Variants in ST3GAL3 observed in about 807,000 individuals in gnomAD.
The protein encoded by ST3GAL3 is CMP-N-acetylneuraminate-beta-1,4-galactoside alpha-2,3-sialyltransferase.
In ST3GAL3, 21 loss-of-function variants were observed where a neutral mutation model predicts 50.1. The ratio of observed to expected loss-of-function variants is 0.42; its 90% CI spans 0.30 to 0.60. ST3GAL3 has a LOEUF of 0.60. Ranked by LOEUF, ST3GAL3 falls within the 20% of genes least tolerant of loss-of-function variation. ST3GAL3 has a pLI of 0.19. For missense variants in ST3GAL3, 353 were observed against 489.4 expected, an observed-to-expected ratio of 0.72 and a Z score of 2.63; for synonymous variants, 183 against 190.0, an observed-to-expected ratio of 0.96 and a Z score of 0.30.
intron 5 of ST3GAL3, among the ~76,000 whole-genome samples, chr1:43,848,670 TTTC>T (rs1294355100): frequency 6.6e-6 from 1 of 152,128 alleles, no homozygotes; most frequent in Non-Finnish European, 1.5e-5. Context: ...GGTTCATAGT[TTTC>T]TTGTTTGTTT....
At chr1:43,768,079 T>G (rs1693777022) in intron 2 of ST3GAL3, among the ~76,000 whole-genome samples, 1 of 152,104 alleles carries the variant, frequency 6.6e-6, no homozygotes, top group Non-Finnish European at 1.5e-5. Flanking sequence ...AGTCAAAAAT[T>G]TGTTCTTTCA....
intron 11 of ST3GAL3, among the ~76,000 whole-genome samples, chr1:43,924,187 A>C (rs1262217116): frequency 6.6e-6 from 1 of 152,182 alleles, no homozygotes; most frequent in Non-Finnish European, 1.5e-5. Flanking sequence ...TGTCTCGGAT[A>C]GGGTTCAGGA....
chr1:43,813,913 A>AGG (rs2154176235), intron 3 of ST3GAL3, among the ~76,000 whole-genome samples: 2 of 132,786 alleles, frequency 1.5e-5, no homozygotes, highest in African/African-American at 5.3e-5. Flanking sequence ...GCACACACAC[A>AGG]CACACACACA....
At chr1:43,851,366 G>T in intron 5 of ST3GAL3, 1 of 1,585,660 alleles carries the variant, frequency 6.3e-7, no homozygotes, top group Non-Finnish European at 8.7e-7. Flanking sequence ...TACACTCAAA[G>T]TTTGCAGGGG....
At chr1:43,878,909 G>A in intron 5 of ST3GAL3, 1 of 409,222 alleles carries the variant, frequency 2.4e-6, no homozygotes, top group South Asian at 1.8e-5. Context: ...ACAGTGAACA[G>A]AATGGGCAGC....
chr1:43,895,823 G>A (rs754448297), intron 6 of ST3GAL3, among the ~76,000 whole-genome samples: 15 of 152,228 alleles, frequency 9.9e-5, no homozygotes, highest in Non-Finnish European at 1.2e-4. Context: ...ATCTGCACTC[G>A]AGACTCAGAT....
rs112564290 is a variant in ST3GAL3 at position 43,861,826 on chromosome 1, C to T, written c.302+23515C>T. 4.0e-4 allele frequency among the ~76,000 whole-genome samples: 61 copies of T among 152,198 alleles called. 2 individuals carry two copies. The highest frequency in any genetic ancestry group is 1.3e-3 in the African/African-American group (56 of 41,524). ...GGCGGATCACCTGAAGTCAGGAGTT[C>T]GAGACCAGCCTGGTCAACATGGAGA... is the stretch of plus-strand genomic sequence containing the variant. On this transcript the variant is annotated intron_variant, in intron 5 of 11. Transcript: ENST00000347631.
rs201919243 is a variant in ST3GAL3 at position 43,920,948 on chromosome 1, G to T, written c.1038+20G>T. ...AAAGAGGTTCGGGGCTGGGTATGGG[G>T]GCAATCCCTGGGTGGGGATGAGGGG... On this transcript the variant is annotated intron_variant, in intron 11 of 11. Coordinates refer to ENST00000347631, the MANE Select transcript of ST3GAL3 (RefSeq NM_006279.5). 1.6e-5 allele frequency: 26 copies of T among 1,590,740 alleles called. No homozygotes were observed. The East Asian group carries it at 5.5e-4, about 34-fold the overall frequency.
At chr1:43,857,614 T>TCCTTCCTTCCTTCCTC (rs2068822443) in intron 5 of ST3GAL3, among the ~76,000 whole-genome samples, 1 of 141,658 alleles carries the variant, frequency 7.1e-6, no homozygotes, top group Admixed American at 7.1e-5. Context: ...CTTCCTTCCT[T>TCCTTCCTTCCTTCCTC]CCTTCCTTCC....
intron 3 of ST3GAL3, among the ~76,000 whole-genome samples, chr1:43,808,956 G>A (rs564104693): frequency 1.3e-5 from 2 of 152,196 alleles, no homozygotes; most frequent in African/African-American, 4.8e-5. Flanking sequence ...TAGTAATAGT[G>A]CAAAATTAGC....
chr1:43,805,395 A>C (rs530103091), intron 3 of ST3GAL3, among the ~76,000 whole-genome samples: 8 of 152,368 alleles, frequency 5.3e-5, no homozygotes, highest in Admixed American at 3.9e-4. Context: ...CAGTTCCCTG[A>C]AGGAAACCCA....
chr1:43,875,987 AG>A (rs1159220524), intron 5 of ST3GAL3, among the ~76,000 whole-genome samples: 1 of 144,672 alleles, frequency 6.9e-6, no homozygotes, highest in African/African-American at 2.6e-5. Flanking sequence ...ATTATTTTTG[AG>A]ACAGGGTCTC....
At chr1:43,759,287 T>C (rs1689397242) in intron 2 of ST3GAL3, among the ~76,000 whole-genome samples, 2 of 150,096 alleles carry the variant, frequency 1.3e-5, no homozygotes, top group African/African-American at 2.5e-5. Flanking sequence ...CTACTAAAAA[T>C]ACAAAAATTA....
At chr1:43,714,747 T>C (rs1666533433) in intron 1 of ST3GAL3, among the ~76,000 whole-genome samples, 1 of 152,248 alleles carries the variant, frequency 6.6e-6, no homozygotes, top group Admixed American at 6.5e-5. Flanking sequence ...TACACACTTC[T>C]CCTCGGCCTG....
chr1:43,838,498 C>T (rs2064814729), intron 5 of ST3GAL3, 187 bp downstream of exon 5: 1 of 616,360 alleles, frequency 1.6e-6, no homozygotes, highest in African/African-American at 1.8e-5. Flanking sequence ...GCCTTACTCC[C>T]ATCCTGCCTC....
intron 1 of ST3GAL3, among the ~76,000 whole-genome samples, chr1:43,719,778 C>G (rs1257687873): frequency 6.6e-6 from 1 of 150,842 alleles, no homozygotes; most frequent in Non-Finnish European, 1.5e-5. Flanking sequence ...ACTAAAAATA[C>G]AAAAATTAGC....
At chr1:43,845,321 T>C (rs2066063825) in intron 5 of ST3GAL3, among the ~76,000 whole-genome samples, 1 of 152,010 alleles carries the variant, frequency 6.6e-6, no homozygotes, top group South Asian at 2.1e-4. Context: ...ACAAATTAAA[T>C]TTCTTTAATT....
At chr1:43,790,858 G>A (rs528483300) in intron 2 of ST3GAL3, among the ~76,000 whole-genome samples, 1 of 151,656 alleles carries the variant, frequency 6.6e-6, no homozygotes, top group Admixed American at 6.6e-5. Flanking sequence ...GGATGGTCTC[G>A]ATCTCTTGAC....
chr1:43,766,216 G>C (rs1692899481), intron 2 of ST3GAL3, among the ~76,000 whole-genome samples: 1 of 152,118 alleles, frequency 6.6e-6, no homozygotes, highest in South Asian at 2.1e-4. Context: ...GACTTCTTCT[G>C]TCAGTCTATG....
Sources: allele counts gnomAD v4.1 joint callset (sites outside exome capture counted in the v4.1 genomes callset), GRCh38; gene constraint gnomAD v4.1.1; transcripts MANE v1.5; gene names NCBI Gene and HGNC (gene_info 2026-07-23, HGNC 2026-07-21).